The following FHL3 variants were observed in gnomAD, a reference collection of about 807,000 sequenced individuals.
FHL3 encodes the protein four and a half LIM domains 3.
A neutral mutation model predicts 34.3 loss-of-function variants in FHL3; 21 were observed. That is an observed-to-expected ratio of 0.61 (90% CI 0.43 to 0.88). FHL3 has a LOEUF of 0.88. Ranked by LOEUF, FHL3 falls within the 40% of genes least tolerant of loss-of-function variation. The probability of loss-of-function intolerance (pLI) is 0.00; values close to 1 mark genes in which losing one functional copy is unlikely to be tolerated. For missense variants in FHL3, 333 were observed against 373.7 expected (o/e 0.89, Z 0.90); for synonymous variants, 137 against 144.6 (o/e 0.95, Z 0.38).
intron 1 of FHL3, among the ~76,000 whole-genome samples, chr1:38,002,609 C>T (rs1646606765): frequency 6.9e-6 from 1 of 145,658 alleles, no homozygotes; most frequent in Admixed American, 6.9e-5. Context: ...AACTCCATCT[C>T]GGCTCACTGC....
chr1:38,003,885 T>C lies in FHL3; in HGVS notation c.-21+1472A>G, dbSNP rs371387273. On this transcript the variant is annotated intron_variant, in intron 1 of 5. Coordinates refer to ENST00000373016, the MANE Select transcript of FHL3 (RefSeq NM_004468.5). ...GAGCCTGGCTCTTCTCCTCAGCTGCTAGCCCTGTGATTGGAAGACACCCAG... is the reference window on the plus strand; with the variant it reads ...GAGCCTGGCTCTTCTCCTCAGCTGCCAGCCCTGTGATTGGAAGACACCCAG... Among the ~76,000 whole-genome samples the C allele has an allele frequency of 9.3e-4, 142 of 152,280 alleles. No individual in the cohort carries two copies. In the South Asian group the frequency reaches 0.014, roughly 15 times the overall value.
At chr1:38,004,560 T>C (rs947003712) in intron 1 of FHL3, among the ~76,000 whole-genome samples, 4 of 152,116 alleles carry the variant, frequency 2.6e-5, no homozygotes, top group Non-Finnish European at 5.9e-5. Context: ...TCTCTGTCTT[T>C]AGGTTTTGGA....
chr1:37,999,306 A>G lies in FHL3; in HGVS notation c.107T>C (p.Phe36Ser). 6.2e-7 allele frequency: 1 copy of G among 1,614,200 alleles called. No individual in the cohort carries two copies. The highest frequency in any genetic ancestry group is 2.2e-5 in the East Asian group (1 of 44,890). Residue 36 changes from phenylalanine (F) to serine (S), a missense_variant, in exon 2 of 6, where the codon TTT becomes TCT. Phe to Ser is a radical substitution (Grantham distance 155). Coordinates refer to ENST00000373016, the MANE Select transcript of FHL3 (RefSeq NM_004468.5). ...CTGGCACTCAGCACAGGTGTTGGCAAAGGTATTGTCATAGCAGGGCACACA... is the reference window on the plus strand; with the variant it reads ...CTGGCACTCAGCACAGGTGTTGGCAGAGGTATTGTCATAGCAGGGCACACA... ...PYCVPCYDNT[F>S]ANTCAECQQL...
At chr1:38,002,362 T>C (rs1474035424) in intron 1 of FHL3, among the ~76,000 whole-genome samples, 1 of 149,426 alleles carries the variant, frequency 6.7e-6, no homozygotes, top group Non-Finnish European at 1.5e-5. Flanking sequence ...CCTCCCAAAG[T>C]GCTGGGATTA....
chr1:37,998,921 A>G (rs1190614519), intron 3 of FHL3, 53 bp downstream of exon 3: 1 of 1,572,658 alleles, frequency 6.4e-7, no homozygotes, highest in Non-Finnish European at 8.7e-7. Context: ...GACACATGCA[A>G]AGACCCTACG....
chr1:37,999,493 A>G lies in FHL3; in HGVS notation c.-20-61T>C, dbSNP rs573512209. 187 of 1,517,636 alleles carry G rather than the reference A, an allele frequency of 1.2e-4. 4 individuals carry two copies. In the South Asian group the frequency reaches 2.2e-3, roughly 18 times the overall value. The allele number at this position is 1,517,636 out of a possible 1,614,324, so 94.0% of individuals were successfully genotyped here. On this transcript the variant is annotated intron_variant, in intron 1 of 5. Transcript: ENST00000373016. ...GAGAGGCTGTGGCTTGGCTCCTGGC[A>G]AAGAGGCCTCTGCATTCAAAACACA...
intron 1 of FHL3, 66 bp from the exon 2 acceptor site, chr1:37,999,498 G>A: frequency 6.7e-7 from 1 of 1,488,774 alleles, no homozygotes; most frequent in Non-Finnish European, 9.2e-7. Context: ...CTGGCAAAGA[G>A]GCCTCTGCAT....
At chr1:37,998,225 A>C in intron 3 of FHL3, 93 bp from the exon 4 acceptor site, 3 of 1,144,802 alleles carry the variant, frequency 2.6e-6, no homozygotes, top group Non-Finnish European at 2.6e-6. Flanking sequence ...CTCCTCTCTC[A>C]GCGTGAGCAG....
Position 37,999,161 on chromosome 1 carries a change from C to T in FHL3, c.157-13G>A. 1 of 1,614,092 alleles carries T rather than the reference C, an allele frequency of 6.2e-7. No individual in the cohort carries two copies. The highest frequency in any genetic ancestry group is 2.2e-5 in the East Asian group (1 of 44,884). ...CATAGAACAGCTCCTGTGGGGAACA[C>T]AGCAGGGGCACTGGCACCCAGGCCT... On this transcript the variant is annotated splice_polypyrimidine_tract_variant and intron_variant, in intron 2 of 5. Coordinates refer to ENST00000373016, the MANE Select transcript of FHL3 (RefSeq NM_004468.5).
rs1646539670 is a variant in FHL3 at position 37,996,962 on chromosome 1, G to C, written c.*443C>G. On this transcript the variant is annotated 3_prime_UTR_variant, in exon 6 of 6. Coordinates refer to ENST00000373016, the MANE Select transcript of FHL3 (RefSeq NM_004468.5). ...GCTGCCCCCACAGCCTCAACCGCGG[G>C]GATGGGGTGGGGCAGGTCAAGCCTG... 1 of 157,006 alleles carries C rather than the reference G, an allele frequency of 6.4e-6. No individual in the cohort carries two copies. The highest frequency in any genetic ancestry group is 6.4e-5 in the Admixed American group (1 of 15,604). 9.7% of individuals were successfully genotyped at this position (157,006 alleles called of 1,614,324 possible). A position where few individuals can be genotyped will look rare whatever the true frequency, so the allele number is the denominator to read the frequency against.
chr1:37,998,930 C>A, intron 3 of FHL3, 44 bp downstream of exon 3: 1 of 1,593,022 alleles, frequency 6.3e-7, no homozygotes, highest in Non-Finnish European at 8.6e-7. Context: ...AAAGACCCTA[C>A]GCAGATGCCA....
rs1268452424 is a variant in FHL3 at position 38,005,456 on chromosome 1, C to G, written c.-120G>C. On this transcript the variant is annotated 5_prime_UTR_variant, in exon 1 of 6. Coordinates refer to ENST00000373016, the MANE Select transcript of FHL3 (RefSeq NM_004468.5). ...GCTCCTACCTGCGGGCCGGGCCAAG[C>G]GGGGGCCGAGCGAGCTGCCGGCGAG... 1 of 149,994 alleles carries G rather than the reference C, an allele frequency of 6.7e-6. No individual in the cohort carries two copies. Among genetic ancestry groups the G allele is most frequent in the Non-Finnish European group, 1.5e-5 (1 of 67,006 alleles). 9.3% of individuals were successfully genotyped at this position (149,994 alleles called of 1,614,324 possible). A position where few individuals can be genotyped will look rare whatever the true frequency, so the allele number is the denominator to read the frequency against.
chr1:38,004,804 C>A (rs2148732691), intron 1 of FHL3, among the ~76,000 whole-genome samples: 1 of 152,336 alleles, frequency 6.6e-6, no homozygotes, highest in East Asian at 1.9e-4. Flanking sequence ...CAATGACGCC[C>A]AAGCCTCAGG....
In FHL3 at chr1:37,997,973, C is replaced by G. The variant is rs201132824; in HGVS notation, c.491G>C (p.Arg164Pro). The change falls in exon 4 of 6, where the codon CGC becomes CCC. Residue 164 changes from arginine (R) to proline (P), a missense_variant. Transcript: ENST00000373016. The surrounding 1 kb of genome is among the most constrained non-coding windows in gnomAD (Gnocchi z 4.3). The stretch of plus-strand genomic sequence containing the variant: ...TGGCCCAGCCCCCACCTTGCTGCAG[C>G]GGGCGCAGCGAGGAGCAAACTTGTT... Reference protein sequence around the residue: ...YENKFAPRCARCSKTLTQGGV... With the variant: ...YENKFAPRCAPCSKTLTQGGV... The G allele has an allele frequency of 1.2e-6, 2 of 1,614,138 alleles. No homozygotes were observed. Among genetic ancestry groups the G allele is most frequent in the Non-Finnish European group, 1.7e-6 (2 of 1,180,004 alleles).
At position 37,999,287 on chromosome 1, in the gene FHL3, C is replaced by G. The variant is rs781719610; in HGVS notation, c.126G>C (p.Glu42Asp). The G allele has an allele frequency of 6.2e-7, 1 of 1,614,234 alleles. No individual in the cohort carries two copies. The highest frequency in any genetic ancestry group is 2.2e-5 in the East Asian group (1 of 44,892). Residue 42 changes from glutamate (E) to aspartate (D), a missense_variant, in exon 2 of 6, where the codon GAG (glutamate) becomes GAC (aspartate). By Grantham distance (45) the Glu-to-Asp change is conservative. Coordinates refer to ENST00000373016, the MANE Select transcript of FHL3 (RefSeq NM_004468.5). ...AGTCATGCCCGATAAGCTGCTGGCA[C>G]TCAGCACAGGTGTTGGCAAAGGTAT... ...YDNTFANTCA[E>D]CQQLIGHDSR...
chr1:37,997,709 G>A lies in FHL3; in HGVS notation c.663C>T (p.Cys221=). The change falls in exon 5 of 6, where the codon TGC becomes TGT. Residue 221 remains cysteine (C), a synonymous_variant. Coordinates refer to ENST00000373016, the MANE Select transcript of FHL3 (RefSeq NM_004468.5). The surrounding 1 kb of genome is among the most constrained non-coding windows in gnomAD (Gnocchi z 4.3). ...CTACGATGGGGCGCTTGCAGCTGCT[G>A]CACTTAGGTGCAAAGAGTTCTCCAA... ...ACFGELFAPK[C]SSCKRPIVGL... is the part of the protein sequence containing the mutation. 1.9e-6 allele frequency: 3 copies of A among 1,614,170 alleles called. No homozygotes were observed. The highest frequency in any genetic ancestry group is 1.1e-5 in the South Asian group (1 of 91,090).
At chr1:37,999,759 C>A (rs1011291703) in intron 1 of FHL3, among the ~76,000 whole-genome samples, 1 of 152,242 alleles carries the variant, frequency 6.6e-6, no homozygotes, top group African/African-American at 2.4e-5. Context: ...CTAGCCTCCA[C>A]TGTCCCGACT....
At chr1:38,004,305 T>G (rs561702361) in intron 1 of FHL3, among the ~76,000 whole-genome samples, 2 of 152,192 alleles carry the variant, frequency 1.3e-5, no homozygotes, top group Non-Finnish European at 2.9e-5. Context: ...TTGGTGGCTG[T>G]GTGTGTGCGT....
In FHL3 at chr1:37,999,046, GCT is replaced by G. The variant is rs1174817146; in HGVS notation, c.257_258del (p.Glu86AlafsTer5). The G allele has an allele frequency of 6.2e-7, 1 of 1,614,140 alleles. No homozygotes were observed. Among genetic ancestry groups the G allele is most frequent in the Non-Finnish European group, 8.5e-7 (1 of 1,180,056 alleles). The stretch of plus-strand genomic sequence containing the variant: ...CTGCAGTAGCAGTCATTGCAGAGCA[GCT>G]CACTGTCCTGGCAGGTGAAGGGTTC... Reference protein sequence around the residue: ...ADEPFTCQDSELLCNDCYCSA... With the variant: ...ADEPFTCQDSXLLCNDCYCSA... On this transcript the variant is annotated frameshift_variant, in exon 3 of 6. Transcript: ENST00000373016. LOFTEE classifies it high-confidence loss of function.
Sources: allele counts gnomAD v4.1 joint callset (sites outside exome capture counted in the v4.1 genomes callset), GRCh38; gene constraint gnomAD v4.1.1; non-coding constraint Gnocchi (gnomAD v3.1); transcripts MANE v1.5; gene names NCBI Gene and HGNC (gene_info 2026-07-23, HGNC 2026-07-21).